Variants in SNTB2 observed in about 807,000 individuals in gnomAD.
The protein encoded by SNTB2 is beta-2-syntrophin.
In SNTB2, 34 loss-of-function variants were observed where a neutral mutation model predicts 46.2. The ratio of observed to expected loss-of-function variants is 0.74; its 90% confidence interval spans 0.56 to 0.98. The LOEUF is 0.98. Among genes scored for constraint, SNTB2 ranks in the 50% least tolerant of loss-of-function variants. The probability of loss-of-function intolerance (pLI) is 0.00; values close to 1 mark genes in which losing one functional copy is unlikely to be tolerated. For missense variants in SNTB2, 603 were observed against 731.4 expected (o/e 0.82, Z 2.02); for synonymous variants, 290 against 312.6 (o/e 0.93, Z 0.76).
At chr16:69,249,060 C>G (rs1237624436) in intron 2 of SNTB2, among the ~76,000 whole-genome samples, 1 of 150,084 alleles carries the variant, frequency 6.7e-6, no homozygotes, top group Non-Finnish European at 1.5e-5. Context: ...GGCTTCACTC[C>G]CCTCGCCTAG....
chr16:69,288,244 T>C (rs1469629145), intron 5 of SNTB2, among the ~76,000 whole-genome samples: 1 of 152,204 alleles, frequency 6.6e-6, no homozygotes. Flanking sequence ...CAGCATTTTT[T>C]AGTTCATGTT....
At position 69,260,199 on chromosome 16, in the gene SNTB2, G is replaced by A; in HGVS notation, c.944G>A (p.Gly315Glu). The A allele has an allele frequency of 6.2e-7, 1 of 1,614,074 alleles. No homozygotes were observed. Residue 315 changes from glycine to glutamate, a missense_variant, in exon 3 of 7, where the codon GGG becomes GAG. Around this residue, in one of 2 missense-constraint regions of SNTB2, gnomAD observed 537 missense variants for 692.4 expected, o/e 0.78. Coordinates refer to ENST00000336278, the MANE Select transcript of SNTB2 (RefSeq NM_006750.4). ...TTGGCTGAACTCAACGCCATGCTTG[G>A]GGCAACCAGTACAGCAGGAGGCAGT... ...QVLAELNAMLGATSTAGGSKE... is the reference protein window; with the variant it reads ...QVLAELNAMLEATSTAGGSKE...
chr16:69,268,693 C>T (rs1201846340), intron 3 of SNTB2, among the ~76,000 whole-genome samples: 3 of 151,738 alleles, frequency 2.0e-5, no homozygotes, highest in South Asian at 4.2e-4. Flanking sequence ...AGTGAAACCC[C>T]GTCTCTACTA....
chr16:69,198,701 G>A (rs1440819647), intron 1 of SNTB2, among the ~76,000 whole-genome samples: 2 of 151,976 alleles, frequency 1.3e-5, no homozygotes, highest in African/African-American at 2.4e-5. Flanking sequence ...AAAACATTTC[G>A]GATGGCTGTT....
intron 1 of SNTB2, among the ~76,000 whole-genome samples, chr16:69,236,143 G>A (rs577885260): frequency 5.3e-4 from 81 of 152,268 alleles, no homozygotes; most frequent in African/African-American, 1.9e-3. Context: ...AAATCTTTTG[G>A]TGGGTTTTCT....
chr16:69,261,428 G>C (rs942689424), intron 3 of SNTB2, among the ~76,000 whole-genome samples: 1 of 150,386 alleles, frequency 6.6e-6, no homozygotes, highest in African/African-American at 2.5e-5. Context: ...AAGTAATTGT[G>C]GTAATTGAGG....
intron 1 of SNTB2, among the ~76,000 whole-genome samples, chr16:69,244,145 G>A (rs920129825): frequency 6.6e-6 from 1 of 152,166 alleles, no homozygotes; most frequent in Admixed American, 6.6e-5. Flanking sequence ...GCTTTGAATA[G>A]CAAGCACAGT....
intron 1 of SNTB2, among the ~76,000 whole-genome samples, chr16:69,224,588 T>G (rs72795244): frequency 0.054 from 8,189 of 152,274 alleles, 246 homozygotes; most frequent in South Asian, 0.075. Context: ...CCCAGTAATT[T>G]TAGCATAAAT....
intron 3 of SNTB2, among the ~76,000 whole-genome samples, chr16:69,269,328 C>G (rs577413994): frequency 5.3e-5 from 8 of 151,488 alleles, no homozygotes; most frequent in Non-Finnish European, 1.5e-5. Flanking sequence ...ACCATCCCGG[C>G]CAACATGGTG....
chr16:69,260,647 G>A (rs1162190386), intron 3 of SNTB2, among the ~76,000 whole-genome samples: 1 of 152,186 alleles, frequency 6.6e-6, no homozygotes, highest in Non-Finnish European at 1.5e-5. Context: ...ACTGTCATAG[G>A]CAATAGGAAA....
At chr16:69,278,415 C>T (rs1318711281) in intron 4 of SNTB2, among the ~76,000 whole-genome samples, 1 of 150,506 alleles carries the variant, frequency 6.6e-6, no homozygotes. Context: ...AATTACTTTT[C>T]TTATGGTTTT....
chr16:69,300,786 T>C, intron 6 of SNTB2, 46 bp from the exon 7 acceptor site: 1 of 1,183,746 alleles, frequency 8.4e-7, no homozygotes. Flanking sequence ...TTAAGTTGTC[T>C]GTATATGGTA....
intron 2 of SNTB2, among the ~76,000 whole-genome samples, chr16:69,254,941 T>C (rs1205474788): frequency 6.6e-6 from 1 of 152,098 alleles, no homozygotes; most frequent in African/African-American, 2.4e-5. Flanking sequence ...GCTCTTAGGA[T>C]GGAAGAATTT....
At chr16:69,269,515 GAA>G (rs59406079) in intron 3 of SNTB2, among the ~76,000 whole-genome samples, 1 of 143,566 alleles carries the variant, frequency 7.0e-6, no homozygotes, top group South Asian at 2.2e-4. Flanking sequence ...GACTGTCTCA[GAA>G]AAAAAAAAAG....
At chr16:69,232,185 A>G (rs1567403345) in intron 1 of SNTB2, among the ~76,000 whole-genome samples, 1 of 151,402 alleles carries the variant, frequency 6.6e-6, no homozygotes. Context: ...TTCATTGTAA[A>G]AGGCCATAAT....
chr16:69,303,031 T>A lies in SNTB2; in HGVS notation c.*2107T>A, dbSNP rs1245855035. 1 of 152,220 alleles carries A rather than the reference T, an allele frequency of 6.6e-6. No homozygotes were observed. Among genetic ancestry groups the A allele is most frequent in the Non-Finnish European group, 1.5e-5 (1 of 68,092 alleles). 9.4% of individuals were successfully genotyped at this position (152,220 alleles called of 1,614,324 possible). A position where few individuals can be genotyped will look rare whatever the true frequency, so the allele number is the denominator to read the frequency against. The stretch of plus-strand genomic sequence containing the variant: ...ATAGCTACCCACCACCACACCCAGC[T>A]AATTTTTGTATTTTTAGTAGAGGCA... On this transcript the variant is annotated 3_prime_UTR_variant, in exon 7 of 7. Transcript: ENST00000336278.
In SNTB2 at chr16:69,260,210, A is replaced by G; in HGVS notation, c.955A>G (p.Thr319Ala). 6.2e-7 allele frequency: 1 copy of G among 1,614,178 alleles called. No homozygotes were observed. Among genetic ancestry groups the G allele is most frequent in the Non-Finnish European group, 8.5e-7 (1 of 1,180,030 alleles). Residue 319 changes from threonine (T) to alanine (A), a missense_variant, in exon 3 of 7, where the codon ACA becomes GCA. Transcript: ENST00000336278. Reference protein sequence around the residue: ...ELNAMLGATSTAGGSKEVKHI... With the variant: ...ELNAMLGATSAAGGSKEVKHI... ...CAACGCCATGCTTGGGGCAACCAGTACAGCAGGAGGCAGTAAAGAGGTGAA... is the reference window on the plus strand; with the variant it reads ...CAACGCCATGCTTGGGGCAACCAGTGCAGCAGGAGGCAGTAAAGAGGTGAA...
At chr16:69,278,702 C>T (rs377607709) in intron 4 of SNTB2, among the ~76,000 whole-genome samples, 15 of 152,190 alleles carry the variant, frequency 9.9e-5, no homozygotes, top group South Asian at 2.1e-4. Context: ...GTGATCTGCC[C>T]GCCTTGGCCT....
intron 1 of SNTB2, among the ~76,000 whole-genome samples, chr16:69,207,154 C>CTTTCCT (rs771500331): frequency 3.2e-5 from 4 of 126,448 alleles, no homozygotes; most frequent in Non-Finnish European, 6.6e-5. Flanking sequence ...TTCTTTCTTT[C>CTTTCCT]TTTTTTTTTT....
Sources: gnomAD v4.1 joint callset for allele counts (sites outside exome capture counted in the v4.1 genomes callset) on GRCh38, gnomAD v4.1.1 for gene constraint, gnomAD v4.1.1 regional missense constraint, MANE v1.5 for transcripts, NCBI Gene and HGNC (gene_info 2026-07-23, HGNC 2026-07-21) for gene names.